TMBIM4: variants seen among roughly 807,000 people sequenced by gnomAD.
TMBIM4 encodes the protein protein lifeguard 4.
Under a neutral mutation model 27.7 loss-of-function variants are expected in TMBIM4, and 28 were observed. The observed-to-expected ratio is 1.01, with a 90% CI of 0.75 to 1.38. TMBIM4 has a LOEUF of 1.38. Among genes scored for constraint, TMBIM4 ranks in the 40% most tolerant of loss-of-function variants. TMBIM4 has a pLI of 0.00. For missense variants in TMBIM4, 265 were observed against 277.5 expected (o/e 0.95, Z 0.32); for synonymous variants, 115 against 113.1 (o/e 1.02, Z -0.11).
chr12:66,160,449 AAAAGGT>A, intron 1 of TMBIM4: 1 of 560,320 alleles, frequency 1.8e-6, no homozygotes, highest in Admixed American at 3.3e-5. Flanking sequence ...AGGAATAAAA[AAAAGGT>A]AACAATCATC....
At chr12:66,138,918 A>G (rs2051621736) in intron 5 of TMBIM4, 149 bp from the exon 6 acceptor site, 1 of 1,130,094 alleles carries the variant, frequency 8.8e-7, no homozygotes, top group East Asian at 3.3e-5. Flanking sequence ...TACAATGAAT[A>G]TAATGCCCAT....
Position 66,152,612 on chromosome 12 carries a change from T to A in TMBIM4, c.207-236A>T, listed in dbSNP as rs1397020221. The stretch of plus-strand genomic sequence containing the variant: ...CAAAATGAATGGGGGAAACTTTTTC[T>A]TTTTACCATATAAACTTCTATCACA... On this transcript the variant is annotated intron_variant, in intron 2 of 6. Coordinates refer to ENST00000358230, the MANE Select transcript of TMBIM4 (RefSeq NM_016056.4). Among the ~76,000 whole-genome samples, 3 of 152,176 alleles carry A rather than the reference T, an allele frequency of 2.0e-5. No homozygotes were observed. The East Asian group carries it at 5.8e-4, about 29-fold the overall frequency.
At chr12:66,169,776 T>TC in intron 1 of TMBIM4, 79 bp downstream of exon 1, 2 of 1,176,874 alleles carry the variant, frequency 1.7e-6, no homozygotes, top group Middle Eastern at 2.2e-4. Flanking sequence ...CCGCTCTCCC[T>TC]CGGAAGCCGG....
chr12:66,140,971 G>C (rs1328783536), intron 5 of TMBIM4, among the ~76,000 whole-genome samples: 1 of 152,026 alleles, frequency 6.6e-6, no homozygotes, highest in Non-Finnish European at 1.5e-5. Context: ...GAGGACAATG[G>C]AATGACATCT....
intron 1 of TMBIM4, among the ~76,000 whole-genome samples, chr12:66,166,059 G>T (rs781447505): frequency 2.0e-5 from 3 of 152,126 alleles, no homozygotes; most frequent in African/African-American, 4.8e-5. Flanking sequence ...TTAGGACTTC[G>T]ATCTTTTTTG....
At chr12:66,157,924 G>A (rs2051963317) in intron 1 of TMBIM4, among the ~76,000 whole-genome samples, 2 of 152,262 alleles carry the variant, frequency 1.3e-5, no homozygotes, top group African/African-American at 4.8e-5. Flanking sequence ...CACAGCTAAA[G>A]GAAGAAATGT....
intron 1 of TMBIM4, among the ~76,000 whole-genome samples, chr12:66,168,378 G>C (rs941851561): frequency 2.0e-5 from 3 of 152,154 alleles, no homozygotes; most frequent in Non-Finnish European, 4.4e-5. Flanking sequence ...TGGTTCCAGG[G>C]ACTGGGGGAA....
chr12:66,166,189 G>T (rs1432800831), intron 1 of TMBIM4, among the ~76,000 whole-genome samples: 2 of 152,154 alleles, frequency 1.3e-5, no homozygotes, highest in Admixed American at 1.3e-4. Flanking sequence ...GATTGGCTGG[G>T]CACAGTGGCT....
At chr12:66,158,174 C>G (rs1238471852) in intron 1 of TMBIM4, among the ~76,000 whole-genome samples, 1 of 139,288 alleles carries the variant, frequency 7.2e-6, no homozygotes, top group Admixed American at 7.8e-5. Context: ...TGCAGTGAGC[C>G]GAGATTGCAC....
chr12:66,158,905 A>G (rs2051991285), intron 1 of TMBIM4, among the ~76,000 whole-genome samples: 1 of 152,160 alleles, frequency 6.6e-6, no homozygotes, highest in African/African-American at 2.4e-5. Flanking sequence ...AAAGTCTTTG[A>G]GGGGAGCTGT....
At chr12:66,145,600 AT>A (rs35000393) in intron 5 of TMBIM4, among the ~76,000 whole-genome samples, 9,987 of 148,822 alleles carry the variant, frequency 0.067, 1,080 homozygotes, top group African/African-American at 0.23. Flanking sequence ...TGGAAAGCTT[AT>A]TTTTTTTTTT....
rs947751786 is a variant in TMBIM4, at chr12:66,136,505, G to T, written c.*1455C>A. On this transcript the variant is annotated 3_prime_UTR_variant, in exon 7 of 7. Coordinates refer to ENST00000358230, the MANE Select transcript of TMBIM4 (RefSeq NM_016056.4). ...GTAGTCCCCCCAAAATTCACATGAA[G>T]AAATCCTAATCCCAGCACTTCAGAA... 1.3e-5 allele frequency: 2 copies of T among 154,230 alleles called. No individual in the cohort carries two copies. Among genetic ancestry groups the T allele is most frequent in the Non-Finnish European group, 2.9e-5 (2 of 68,210 alleles). 9.6% of individuals were successfully genotyped at this position (154,230 alleles called of 1,614,324 possible). A position where few individuals can be genotyped will look rare whatever the true frequency, so the allele number is the denominator to read the frequency against.
chr12:66,168,327 A>G (rs916071766), intron 1 of TMBIM4, among the ~76,000 whole-genome samples: 1 of 152,198 alleles, frequency 6.6e-6, no homozygotes, highest in African/African-American at 2.4e-5. Flanking sequence ...TACTGATTGT[A>G]TCTAGAGTAG....
chr12:66,151,213 A>C (rs1191942038), intron 3 of TMBIM4, among the ~76,000 whole-genome samples: 1 of 151,984 alleles, frequency 6.6e-6, no homozygotes, highest in Non-Finnish European at 1.5e-5. Context: ...AGCTTTTCCC[A>C]CTCGTATTTG....
intron 1 of TMBIM4, among the ~76,000 whole-genome samples, chr12:66,158,661 T>G (rs1008287166): frequency 6.9e-6 from 1 of 145,890 alleles, no homozygotes; most frequent in African/African-American, 2.5e-5. Flanking sequence ...AAAAAAAAAA[T>G]TCAAACAATA....
At chr12:66,153,223 A>C in intron 2 of TMBIM4, 117 bp downstream of exon 2, 2 of 657,886 alleles carry the variant, frequency 3.0e-6, no homozygotes, top group South Asian at 1.8e-5. Flanking sequence ...GAGTAAATGA[A>C]CCTTTTTTAC....
At chr12:66,160,169 C>A in intron 1 of TMBIM4, 1 of 702,868 alleles carries the variant, frequency 1.4e-6, no homozygotes, top group Non-Finnish European at 2.6e-6. Flanking sequence ...TCTTACTTGG[C>A]CCTTTGTAGA....
chr12:66,158,256 G>C (rs192312668), intron 1 of TMBIM4, among the ~76,000 whole-genome samples: 248 of 150,342 alleles, frequency 1.6e-3, no homozygotes, highest in Non-Finnish European at 3.0e-3. Flanking sequence ...AAAATGAAAG[G>C]CTTCTGACTC....
At chr12:66,138,486 C>T (rs1326217434) in intron 6 of TMBIM4, among the ~76,000 whole-genome samples, 2 of 152,200 alleles carry the variant, frequency 1.3e-5, no homozygotes, top group East Asian at 3.9e-4. Flanking sequence ...TAAGCAAGGG[C>T]CTCTTTCTAT....
Sources: gnomAD v4.1 joint callset for allele counts (sites outside exome capture counted in the v4.1 genomes callset) on GRCh38, gnomAD v4.1.1 for gene constraint, MANE v1.5 for transcripts, NCBI Gene and HGNC (gene_info 2026-07-23, HGNC 2026-07-21) for gene names.